Variants in CPB2 observed in about 807,000 individuals in gnomAD.
CPB2 encodes the protein carboxypeptidase B2.
CPB2 carries 54 observed loss-of-function variants against 57.0 expected under a neutral mutation model. The observed-to-expected ratio is 0.95, with a 90% CI of 0.76 to 1.19. The LOEUF is 1.19. CPB2 is among the 50% of genes most tolerant of loss of function. CPB2 has a pLI of 0.00. For missense variants in CPB2, 426 were observed against 512.0 expected (o/e 0.83, Z 1.62); for synonymous variants, 189 against 178.1 (o/e 1.06, Z -0.49).
At chr13:46,056,124 C>T (rs955355933) in intron 9 of CPB2, among the ~76,000 whole-genome samples, 1 of 151,906 alleles carries the variant, frequency 6.6e-6, no homozygotes, top group Admixed American at 6.5e-5. Context: ...AAAATTATCA[C>T]ATGCCTTTTT....
At chr13:46,089,621 T>A (rs1246411608) in intron 1 of CPB2, among the ~76,000 whole-genome samples, 2 of 152,098 alleles carry the variant, frequency 1.3e-5, no homozygotes, top group Non-Finnish European at 1.5e-5. Flanking sequence ...TATGTTGAAA[T>A]CCTAACCTCC....
chr13:46,078,089 T>C (rs2045051609), intron 5 of CPB2, among the ~76,000 whole-genome samples: 3 of 152,068 alleles, frequency 2.0e-5, no homozygotes, highest in Admixed American at 2.0e-4. Context: ...AAATGATAAA[T>C]GTTTGAAGTG....
chr13:46,080,080 G>A (rs948917518), intron 4 of CPB2, among the ~76,000 whole-genome samples: 2 of 152,208 alleles, frequency 1.3e-5, no homozygotes, highest in Non-Finnish European at 2.9e-5. Flanking sequence ...AACAGGAGAG[G>A]CTGTATAATA....
At chr13:46,089,936 T>C (rs2045266976) in intron 1 of CPB2, among the ~76,000 whole-genome samples, 1 of 152,220 alleles carries the variant, frequency 6.6e-6, no homozygotes, top group South Asian at 2.1e-4. Flanking sequence ...TAACCCTATA[T>C]TGTATTAAGT....
intron 6 of CPB2, among the ~76,000 whole-genome samples, chr13:46,069,395 G>A (rs1341514186): frequency 6.6e-6 from 1 of 152,230 alleles, no homozygotes; most frequent in Admixed American, 6.5e-5. Context: ...GCGGTTTTTG[G>A]TGTATTCATA....
At chr13:46,100,858 A>G (rs2045426108) in intron 1 of CPB2, 1 of 152,224 alleles carries the variant, frequency 6.6e-6, no homozygotes, top group African/African-American at 2.4e-5. Context: ...TAGACAAAGA[A>G]GCATCTGTCC....
At chr13:46,091,745 C>T (rs1471713657) in intron 1 of CPB2, among the ~76,000 whole-genome samples, 1 of 152,202 alleles carries the variant, frequency 6.6e-6, no homozygotes, top group Non-Finnish European at 1.5e-5. Flanking sequence ...GTGATTCTTA[C>T]ACAGCCAAGG....
intron 5 of CPB2, among the ~76,000 whole-genome samples, chr13:46,074,424 A>T (rs1030500838): frequency 1.5e-4 from 22 of 150,408 alleles, no homozygotes; most frequent in African/African-American, 5.1e-4. Flanking sequence ...CTGAGTGCAT[A>T]TTTTTTTTTT....
intron 9 of CPB2, among the ~76,000 whole-genome samples, chr13:46,057,153 CA>C (rs35024155): frequency 2.3e-3 from 304 of 132,250 alleles, no homozygotes; most frequent in Admixed American, 2.7e-3. Flanking sequence ...GGCAGTGATG[CA>C]AAAAAAAAAA....
At chr13:46,089,978 G>A (rs2045267636) in intron 1 of CPB2, among the ~76,000 whole-genome samples, 1 of 152,126 alleles carries the variant, frequency 6.6e-6, no homozygotes, top group Admixed American at 6.5e-5. Context: ...AGTGATTATA[G>A]CATAATCAAG....
At chr13:46,094,561 G>A (rs1394907418) in intron 1 of CPB2, among the ~76,000 whole-genome samples, 2 of 152,156 alleles carry the variant, frequency 1.3e-5, no homozygotes, top group Admixed American at 1.3e-4. Context: ...TACCAATGGA[G>A]ATGTTAAGAT....
chr13:46,061,823 G>A (rs1471547568), intron 8 of CPB2, among the ~76,000 whole-genome samples: 1 of 152,164 alleles, frequency 6.6e-6, no homozygotes, highest in Non-Finnish European at 1.5e-5. Flanking sequence ...CATAAAATGA[G>A]TAAGTAGGTT....
intron 1 of CPB2, among the ~76,000 whole-genome samples, chr13:46,104,258 A>G (rs532961432): frequency 6.6e-6 from 1 of 152,244 alleles, no homozygotes; most frequent in Non-Finnish European, 1.5e-5. Flanking sequence ...AAAAAATAAG[A>G]TAATTCCAAA....
At chr13:46,063,130 G>A (rs2044800219) in intron 8 of CPB2, among the ~76,000 whole-genome samples, 2 of 152,166 alleles carry the variant, frequency 1.3e-5, no homozygotes, top group South Asian at 4.1e-4. Context: ...GAGTGGGTGG[G>A]AAGAAAGAGT....
chr13:46,059,917 C>A (rs776278774), intron 8 of CPB2, among the ~76,000 whole-genome samples: 5 of 152,192 alleles, frequency 3.3e-5, no homozygotes. Flanking sequence ...CCAAGTATTT[C>A]ATTTTTAACC....
chr13:46,074,108 T>G, intron 5 of CPB2, 131 bp from the exon 6 acceptor site: 1 of 496,554 alleles, frequency 2.0e-6, no homozygotes. Flanking sequence ...TGCATTTCTT[T>G]GAAAATTCTC....
intron 8 of CPB2, among the ~76,000 whole-genome samples, chr13:46,062,003 C>G (rs1019969576): frequency 1.4e-5 from 2 of 148,140 alleles, no homozygotes; most frequent in Non-Finnish European, 3.0e-5. Context: ...AAGGACAGTT[C>G]CTTACAATTA....
chr13:46,102,687 G>A (rs1221984390), intron 1 of CPB2, among the ~76,000 whole-genome samples: 2 of 149,064 alleles, frequency 1.3e-5, no homozygotes, highest in Non-Finnish European at 3.0e-5. Flanking sequence ...TTCCTTTTTA[G>A]CTTCAGGAAT....
chr13:46,076,158 T>C (rs776885369), intron 5 of CPB2, among the ~76,000 whole-genome samples: 1 of 151,992 alleles, frequency 6.6e-6, no homozygotes, highest in African/African-American at 2.4e-5. Context: ...AGCAAACAGG[T>C]AAGAGAAAGA....
Sources: allele counts gnomAD v4.1 joint callset (sites outside exome capture counted in the v4.1 genomes callset), GRCh38; gene constraint gnomAD v4.1.1; transcripts MANE v1.5; gene names NCBI Gene and HGNC (gene_info 2026-07-23, HGNC 2026-07-21).